JAG1: variants seen among roughly 807,000 people sequenced by gnomAD.
The protein encoded by JAG1 is jagged canonical Notch ligand 1, also known as protein jagged-1.
In JAG1, 23 loss-of-function variants were observed where a neutral mutation model predicts 148.7. The ratio of observed to expected loss-of-function variants is 0.15; its 90% CI spans 0.11 to 0.22. The LOEUF is 0.22. Ranked by LOEUF, JAG1 falls within the 10% of genes least tolerant of loss-of-function variation. The pLI is 1.00. For synonymous variants in JAG1, 572 were observed against 598.3 expected, an observed-to-expected ratio of 0.96 and a Z score of 0.64; for missense variants, 1,054 against 1,611.2, an observed-to-expected ratio of 0.65 and a Z score of 5.92.
intron 2 of JAG1, among the ~76,000 whole-genome samples, chr20:10,671,335 G>C (rs1223082889): frequency 6.6e-6 from 1 of 152,144 alleles, no homozygotes; most frequent in African/African-American, 2.4e-5. Context: ...CCTCAAGAGA[G>C]CTTCACAGAC....
intron 5 of JAG1, chr20:10,652,848 C>G: frequency 2.4e-6 from 1 of 421,552 alleles, no homozygotes; most frequent in South Asian, 2.1e-5. Context: ...ATGCCCTTCA[C>G]AAAGCCACTC....
intron 5 of JAG1, 65 bp downstream of exon 5, chr20:10,656,331 TAA>T (rs758448162): frequency 8.4e-6 from 11 of 1,306,196 alleles, no homozygotes; most frequent in South Asian, 1.2e-5. Context: ...ATAGTCACAA[TAA>T]AGTCAGTTCC....
Position 10,639,722 on chromosome 20 carries a change from T to C in JAG1, c.3433A>G (p.Lys1145Glu). The change falls in exon 26 of 26, where the codon AAA becomes GAA. Residue 1145 changes from lysine to glutamate, a missense_variant. Transcript: ENST00000254958. ...PIKDYENKNS[K>E]MSKIRTHNSE... ...TTGTGTGTCCTTATTTTAGACATTT[T>C]GGAGTTCTTGTTCTCATAATCCTTG... 1.2e-6 allele frequency: 2 copies of C among 1,614,224 alleles called. No homozygotes were observed. The highest frequency in any genetic ancestry group is 1.7e-6 in the Non-Finnish European group (2 of 1,180,030).
At chr20:10,648,814 G>A in intron 11 of JAG1, 92 bp from the exon 12 acceptor site, 1 of 1,276,620 alleles carries the variant, frequency 7.8e-7, no homozygotes, top group Non-Finnish European at 1.1e-6. Flanking sequence ...GACTGTTGCG[G>A]TTTAGCTGGT....
intron 3 of JAG1, among the ~76,000 whole-genome samples, chr20:10,662,826 G>T (rs971415257): frequency 6.6e-6 from 1 of 152,112 alleles, no homozygotes; most frequent in Non-Finnish European, 1.5e-5. Context: ...TCCCCCTCCA[G>T]GGAGGATGAC....
chr20:10,645,857 C>T lies in JAG1; in HGVS notation c.1999+114G>A. ...TGATACTGTCCCAGTGCAGAAATCA[C>T]TGCGGTCTTGCTTCCAGAGATTTCC... On this transcript the variant is annotated intron_variant, in intron 15 of 25. Coordinates refer to ENST00000254958, the MANE Select transcript of JAG1 (RefSeq NM_000214.3). This position sits in a 1 kb window ranked among gnomAD's most constrained non-coding sequence, Gnocchi z 6.1. The T allele has an allele frequency of 2.5e-6, 2 of 805,654 alleles. No homozygotes were observed. The highest frequency in any genetic ancestry group is 3.4e-4 in the Middle Eastern group (1 of 2,902). 49.9% of individuals were successfully genotyped at this position (805,654 alleles called of 1,614,324 possible). A position where few individuals can be genotyped will look rare whatever the true frequency, so the allele number is the denominator to read the frequency against.
rs533118865 is a variant in JAG1, at chr20:10,639,255, C to T, written c.*243G>A. ...CTGGGAGCCTGATCCGAGACCGTGT[C>T]GGCTGCAAGGGGACACACAACCAGG... On this transcript the variant is annotated 3_prime_UTR_variant, in exon 26 of 26. Transcript: ENST00000254958. 1.1e-5 allele frequency: 6 copies of T among 551,256 alleles called. No homozygotes were observed. The highest frequency in any genetic ancestry group is 1.9e-5 in the African/African-American group (1 of 53,374). 34.1% of individuals were successfully genotyped at this position (551,256 alleles called of 1,614,324 possible).
chr20:10,644,494 T>A, intron 18 of JAG1, 110 bp from the exon 19 acceptor site: 1 of 850,918 alleles, frequency 1.2e-6, no homozygotes, highest in Non-Finnish European at 2.0e-6. Flanking sequence ...AAGTCGTAGT[T>A]AACACCAGCA....
chr20:10,652,432 A>C, intron 6 of JAG1, 36 bp downstream of exon 6: 1 of 1,611,710 alleles, frequency 6.2e-7, no homozygotes, highest in Non-Finnish European at 8.5e-7. Context: ...TCCCACCCCC[A>C]GATCCCACCC....
At chr20:10,644,573 C>A in intron 18 of JAG1, 189 bp from the exon 19 acceptor site, 1 of 673,912 alleles carries the variant, frequency 1.5e-6, no homozygotes, top group Non-Finnish European at 2.7e-6. Flanking sequence ...GACACATGTA[C>A]ACAGGAAGAG....
chr20:10,639,701 G>A lies in JAG1; in HGVS notation c.3454C>T (p.His1152Tyr), dbSNP rs758979312. ...KNSKMSKIRT[H>Y]NSEVEEDDMD... ...TCGTCCTCTTCTACTTCAGAATTGT[G>A]TGTCCTTATTTTAGACATTTTGGAG... The change falls in exon 26 of 26, where the codon CAC (histidine) becomes TAC (tyrosine). Residue 1152 changes from histidine to tyrosine, a missense_variant. Transcript: ENST00000254958. 2 of 1,614,204 alleles carry A rather than the reference G, an allele frequency of 1.2e-6. No homozygotes were observed. Among genetic ancestry groups the A allele is most frequent in the Non-Finnish European group, 1.7e-6 (2 of 1,180,042 alleles).
intron 14 of JAG1, chr20:10,646,400 G>C (rs1600182333): frequency 2.5e-6 from 1 of 401,258 alleles, no homozygotes; most frequent in East Asian, 5.8e-5. Flanking sequence ...TAGATATGGA[G>C]GCTCCGAGGC....
intron 5 of JAG1, among the ~76,000 whole-genome samples, chr20:10,653,003 AC>A: frequency 6.6e-6 from 1 of 152,032 alleles, no homozygotes; most frequent in South Asian, 2.1e-4. Flanking sequence ...TGCACTTGCC[AC>A]TCTGCTCTTT....
rs1199862527 is a variant in JAG1, at chr20:10,652,602, G to A, written c.756-4C>T. On this transcript the variant is annotated splice_region_variant and splice_polypyrimidine_tract_variant and intron_variant, in intron 5 of 25. Transcript: ENST00000254958. ...GCCTTGCCAGCCGTACTGGCACCTG[G>A]AGACACACAGCACACCTCCAGGTTA... 6.2e-7 allele frequency: 1 copy of A among 1,613,828 alleles called. No homozygotes were observed. The highest frequency in any genetic ancestry group is 8.5e-7 in the Non-Finnish European group (1 of 1,179,902).
chr20:10,653,415 C>G (rs1310208044), intron 5 of JAG1, among the ~76,000 whole-genome samples: 1 of 150,478 alleles, frequency 6.6e-6, no homozygotes, highest in Non-Finnish European at 1.5e-5. Context: ...AAAACAAATA[C>G]AACAACTTTC....
rs35826283 is a variant in JAG1 at position 10,659,559 on chromosome 20, CTTTTTTTTTTTT to C, written c.440-849_440-838del. On this transcript the variant is annotated intron_variant, in intron 3 of 25. Transcript: ENST00000254958. Reference sequence around the variant, plus strand: ...GGAAGCCAAGGAGACGATTAAGTTACTTTTTTTTTTTTTTTTTTTTTTTTTTTTACAATTGTT... The same window carrying C: ...GGAAGCCAAGGAGACGATTAAGTTACTTTTTTTTTTTTTTTTACAATTGTT... 1.2e-3 allele frequency among the ~76,000 whole-genome samples: 128 copies of C among 105,160 alleles called. 7 individuals are homozygous for C. Among genetic ancestry groups the C allele is most frequent in the East Asian group, 3.1e-4 (1 of 3,194 alleles). 69.0% of individuals were successfully genotyped at this position (105,160 alleles called of 152,430 possible).
chr20:10,641,979 G>A (rs2067275728), intron 21 of JAG1, 87 bp from the exon 22 acceptor site: 2 of 873,776 alleles, frequency 2.3e-6, no homozygotes, highest in Admixed American at 1.7e-5. Context: ...AAATGGTTAT[G>A]CCTGTGCCCT....
At chr20:10,644,220 C>T in intron 19 of JAG1, 137 bp downstream of exon 19, 1 of 792,710 alleles carries the variant, frequency 1.3e-6, no homozygotes, top group Admixed American at 2.0e-5. Context: ...TCTGAGGCCC[C>T]ACCCCAGACC....
intron 2 of JAG1, among the ~76,000 whole-genome samples, chr20:10,672,230 A>G (rs1037003380): frequency 2.6e-5 from 4 of 152,140 alleles, no homozygotes; most frequent in Non-Finnish European, 4.4e-5. Flanking sequence ...CCCTCCAGGA[A>G]GGACACACCC....
Sources: gnomAD v4.1 joint callset for allele counts (sites outside exome capture counted in the v4.1 genomes callset) on GRCh38, gnomAD v4.1.1 for gene constraint, Gnocchi (gnomAD v3.1) non-coding constraint, MANE v1.5 for transcripts, NCBI Gene and HGNC (gene_info 2026-07-23, HGNC 2026-07-21) for gene names.